Variants in CNTNAP2 observed in about 807,000 individuals in gnomAD.
CNTNAP2 encodes contactin-associated protein-like 2.
A neutral mutation model predicts 155.2 loss-of-function variants in CNTNAP2; 98 were observed. That is an observed-to-expected ratio of 0.63 (90% CI 0.54 to 0.75). The LOEUF is 0.75. Among genes scored for constraint, CNTNAP2 ranks in the 30% least tolerant of loss-of-function variants. The probability of loss-of-function intolerance (pLI) is 0.00; values close to 1 mark genes in which losing one functional copy is unlikely to be tolerated. For missense variants in CNTNAP2, 1,727 were observed against 1,688.1 expected (o/e 1.02, Z -0.40); for synonymous variants, 651 against 631.2 (o/e 1.03, Z -0.47).
chr7:148,115,604 C>G (rs1310784771), intron 15 of CNTNAP2, among the ~76,000 whole-genome samples: 1 of 152,030 alleles, frequency 6.6e-6, no homozygotes, highest in African/African-American at 2.4e-5. Context: ...TGAGCGAGAG[C>G]GTAGATTTAG....
chr7:146,271,531 T>C lies in CNTNAP2; in HGVS notation c.97+154558T>C, dbSNP rs1023231532. 2.0e-5 allele frequency among the ~76,000 whole-genome samples: 3 copies of C among 151,948 alleles called. No homozygotes were observed. The East Asian group carries it at 5.8e-4, about 29-fold the overall frequency. On this transcript the variant is annotated intron_variant, in intron 1 of 23. Coordinates refer to ENST00000361727, the MANE Select transcript of CNTNAP2 (RefSeq NM_014141.6). ...AAAAGCTTTTAATTTTTAAAGTAAATAATATACGGTTTATTCACTCATACA... is the reference window on the plus strand; with the variant it reads ...AAAAGCTTTTAATTTTTAAAGTAAACAATATACGGTTTATTCACTCATACA...
At chr7:147,871,341 T>G (rs1260077005) in intron 13 of CNTNAP2, among the ~76,000 whole-genome samples, 2 of 152,194 alleles carry the variant, frequency 1.3e-5, no homozygotes, top group African/African-American at 2.4e-5. Flanking sequence ...AAGGCCACAT[T>G]CCTTCTCCTC....
intron 12 of CNTNAP2, among the ~76,000 whole-genome samples, chr7:147,583,260 T>C (rs1301512146): frequency 1.3e-5 from 2 of 151,922 alleles, no homozygotes; most frequent in East Asian, 1.9e-4. Flanking sequence ...TCAGCTCCAT[T>C]TGGGGGCTTA....
rs1324594060 is a variant in CNTNAP2, at chr7:147,902,792, G to A, written c.2099-773G>A. On this transcript the variant is annotated intron_variant, in intron 13 of 23. Coordinates refer to ENST00000361727, the MANE Select transcript of CNTNAP2 (RefSeq NM_014141.6). The stretch of plus-strand genomic sequence containing the variant: ...ATCATATATGTTTGTGTGTGTGTGT[G>A]TGTGTGTGTGTGTGTGTGTGTATGT... 4.4e-5 allele frequency among the ~76,000 whole-genome samples: 6 copies of A among 137,452 alleles called. No individual in the cohort carries two copies. In the Admixed American group the frequency reaches 4.8e-4, roughly 11 times the overall value. The allele number at this position is 137,452 out of a possible 152,430, so 90.2% of individuals were successfully genotyped here.
chr7:147,588,478 T>C (rs1800675498), intron 12 of CNTNAP2, among the ~76,000 whole-genome samples: 1 of 152,180 alleles, frequency 6.6e-6, no homozygotes, highest in Non-Finnish European at 1.5e-5. Context: ...TCTTCACCCC[T>C]TCCAGCTATA....
intron 15 of CNTNAP2, among the ~76,000 whole-genome samples, chr7:148,037,578 C>T (rs1226046818): frequency 6.6e-6 from 1 of 152,170 alleles, no homozygotes; most frequent in Admixed American, 6.5e-5. Context: ...ACAGTAGTCC[C>T]CCCTTGTCCG....
At chr7:146,657,814 C>A (rs938687685) in intron 1 of CNTNAP2, among the ~76,000 whole-genome samples, 3 of 151,782 alleles carry the variant, frequency 2.0e-5, no homozygotes, top group East Asian at 1.9e-4. Flanking sequence ...TCAAAGAAAC[C>A]TTTTAGAATG....
intron 13 of CNTNAP2, among the ~76,000 whole-genome samples, chr7:147,779,731 G>A (rs1008005035): frequency 1.3e-5 from 2 of 152,102 alleles, no homozygotes; most frequent in Non-Finnish European, 2.9e-5. Flanking sequence ...AGAGTAATAT[G>A]TTTTGAAAAA....
At chr7:146,199,635 A>G (rs1368510161) in intron 1 of CNTNAP2, among the ~76,000 whole-genome samples, 2 of 152,206 alleles carry the variant, frequency 1.3e-5, no homozygotes, top group African/African-American at 2.4e-5. Context: ...GTAATAATTT[A>G]CTGTGGCCAT....
intron 1 of CNTNAP2, among the ~76,000 whole-genome samples, chr7:146,394,936 G>A (rs186108314): frequency 1.3e-5 from 2 of 152,052 alleles, no homozygotes; most frequent in African/African-American, 4.8e-5. Context: ...TTCCACTCTC[G>A]ATGATCATGT....
intron 16 of CNTNAP2, among the ~76,000 whole-genome samples, chr7:148,137,735 A>AGGAAGGAAGGTT (rs1554476327): frequency 2.7e-5 from 4 of 145,528 alleles, no homozygotes; most frequent in African/African-American, 7.7e-5. Flanking sequence ...GAAGGAAGGA[A>AGGAAGGAAGGTT]GGTTCTCCTT....
chr7:146,523,261 C>T (rs1327017775), intron 1 of CNTNAP2, among the ~76,000 whole-genome samples: 1 of 151,982 alleles, frequency 6.6e-6, no homozygotes, highest in African/African-American at 2.4e-5. Context: ...ATTTATATAT[C>T]ATCAGTAAAA....
At chr7:148,034,275 T>TA (rs1167516206) in intron 15 of CNTNAP2, among the ~76,000 whole-genome samples, 1 of 152,214 alleles carries the variant, frequency 6.6e-6, no homozygotes, top group Non-Finnish European at 1.5e-5. Context: ...CACCCAGTCT[T>TA]ACGTCCTCAT....
intron 1 of CNTNAP2, among the ~76,000 whole-genome samples, chr7:146,305,897 A>G (rs1800702426): frequency 6.6e-6 from 1 of 152,190 alleles, no homozygotes; most frequent in Non-Finnish European, 1.5e-5. Context: ...AACTAAGATC[A>G]GAGCAGAACT....
At chr7:146,358,678 C>G (rs142333742) in intron 1 of CNTNAP2, among the ~76,000 whole-genome samples, 13 of 152,180 alleles carry the variant, frequency 8.5e-5, no homozygotes, top group Non-Finnish European at 1.5e-4. Context: ...GAGTGTTAAC[C>G]AGTTTGAAGA....
At chr7:148,132,805 C>T (rs1804860255) in intron 16 of CNTNAP2, among the ~76,000 whole-genome samples, 1 of 152,316 alleles carries the variant, frequency 6.6e-6, no homozygotes, top group South Asian at 2.1e-4. Flanking sequence ...ACATCTCCAA[C>T]ATTCATAGGA....
At chr7:146,231,191 G>A (rs1217453531) in intron 1 of CNTNAP2, among the ~76,000 whole-genome samples, 1 of 152,096 alleles carries the variant, frequency 6.6e-6, no homozygotes, top group Non-Finnish European at 1.5e-5. Context: ...ATGGGGAAAT[G>A]TTTTTGGAAA....
At chr7:146,354,211 ATCCACTGTGAGCTTTAGATTCTAAATGCG>A (rs1361301555) in intron 1 of CNTNAP2, among the ~76,000 whole-genome samples, 1 of 152,154 alleles carries the variant, frequency 6.6e-6, no homozygotes, top group Non-Finnish European at 1.5e-5. Flanking sequence ...AAAGCCACTT[ATCCACTGTGAGCTTTAGATTCTAAATGCG>A]TAAACAGACA....
At chr7:147,382,996 T>C (rs1005940439) in intron 9 of CNTNAP2, among the ~76,000 whole-genome samples, 11 of 152,030 alleles carry the variant, frequency 7.2e-5, no homozygotes, top group African/African-American at 2.7e-4. Context: ...ATCTTCCTAA[T>C]GAGATTATAG....
Sources: gnomAD v4.1 joint callset for allele counts (sites outside exome capture counted in the v4.1 genomes callset) on GRCh38, gnomAD v4.1.1 for gene constraint, MANE v1.5 for transcripts, NCBI Gene and HGNC (gene_info 2026-07-23, HGNC 2026-07-21) for gene names.